The following NXF3 variants were observed in gnomAD, a reference collection of about 807,000 sequenced individuals.
NXF3 encodes nuclear RNA export factor 3, also known as TAP-like protein 3.
A neutral mutation model predicts 48.4 loss-of-function variants in NXF3; 34 were observed. The observed-to-expected ratio is 0.70, with a 90% CI of 0.53 to 0.93. The LOEUF (loss-of-function observed/expected upper bound fraction) is 0.93. NXF3 is among the 40% of genes least tolerant of loss of function. The pLI, the probability that NXF3 is intolerant of heterozygous loss-of-function variation, is 0.00. For synonymous variants in NXF3, 132 were observed against 145.7 expected (o/e 0.91, Z 0.68); for missense variants, 359 against 406.1 (o/e 0.88, Z 1.00).
At chrX:103,092,913 G>T in intron 1 of NXF3, 83 bp downstream of exon 1, 1 of 955,310 alleles carries the variant, frequency 1.0e-6, no homozygotes, top group South Asian at 2.0e-5. Context: ...GGTGTTATGT[G>T]GGTTAGGGTA....
At chrX:103,078,404 G>A (rs1047266547) in intron 17 of NXF3, among the ~76,000 whole-genome samples, 156 bp downstream of exon 17, 4 of 112,284 alleles carry the variant, frequency 3.6e-5, no homozygotes, top group African/African-American at 6.5e-5. Context: ...TGGGATTACA[G>A]GCGTGAGCCA....
At chrX:103,086,807 A>G (rs1264661657) in intron 1 of NXF3, among the ~76,000 whole-genome samples, 4 of 111,814 alleles carry the variant, frequency 3.6e-5, no homozygotes, top group African/African-American at 1.3e-4. Flanking sequence ...AACCATATTA[A>G]TAAGAGAAAA....
chrX:103,080,610 G>T lies in NXF3; in HGVS notation c.893C>A (p.Ser298Tyr). The T allele has an allele frequency of 8.3e-7, 1 of 1,210,770 alleles. No individual in the cohort carries two copies. The highest frequency in any genetic ancestry group is 1.7e-5 in the African/African-American group (1 of 57,831). ...TFSDTSSNIN[S>Y]ILELFPKLLC... ...TAATTTGGGGAACAATTCCAGGATG[G>T]AGCTGCCGAAAATCAAAACAAAATG... Residue 298 changes from serine (S) to tyrosine (Y), a missense_variant and splice_region_variant, in exon 10 of 20, where the codon TCC becomes TAC. Coordinates refer to ENST00000395065, the MANE Select transcript of NXF3 (RefSeq NM_022052.2).
Position 103,093,107 on chromosome X carries a change from C to G in NXF3, c.-84G>C. On this transcript the variant is annotated 5_prime_UTR_variant, in exon 1 of 20. Coordinates refer to ENST00000395065, the MANE Select transcript of NXF3 (RefSeq NM_022052.2). ...GTTTGGAGAAGATTGAGGAGGGCTGCTGACGAAGGCGAGAGCAAGCCTCAA... is the reference window on the plus strand; with the variant it reads ...GTTTGGAGAAGATTGAGGAGGGCTGGTGACGAAGGCGAGAGCAAGCCTCAA... 2 of 911,178 alleles carry G rather than the reference C, an allele frequency of 2.2e-6. No individual in the cohort carries two copies. Among genetic ancestry groups the G allele is most frequent in the Non-Finnish European group, 3.2e-6 (2 of 629,045 alleles). The allele number at this position is 911,178 out of a possible 1,213,427, so 75.1% of individuals were successfully genotyped here. A position where few individuals can be genotyped will look rare whatever the true frequency, so the allele number is the denominator to read the frequency against.
intron 1 of NXF3, 114 bp from the exon 2 acceptor site, chrX:103,084,997 C>T: frequency 1.4e-6 from 1 of 715,370 alleles, no homozygotes; most frequent in Non-Finnish European, 2.1e-6. Flanking sequence ...CAGGATCTGG[C>T]TCTACTGCCC....
chrX:103,092,786 A>G (rs1170287226), intron 1 of NXF3, among the ~76,000 whole-genome samples: 2 of 112,487 alleles, frequency 1.8e-5, no homozygotes, highest in African/African-American at 6.5e-5. Context: ...GTTAATTTTT[A>G]CCAACCCCTG....
chrX:103,088,316 C>A, intron 1 of NXF3: 2 of 540,731 alleles, frequency 3.7e-6, no homozygotes, highest in Non-Finnish European at 6.3e-6. Context: ...TCTGGTGAGC[C>A]GTGCTCTGAA....
At position 103,092,711 on chromosome X, in the gene NXF3, G is replaced by A. The variant is rs190519675; in HGVS notation, c.28+285C>T. ...GAGGTAATACAATCTACCTTGAATG[G>A]TTAGTGTGAAGATTAAAGATGTATT... On this transcript the variant is annotated intron_variant, in intron 1 of 19. Coordinates refer to ENST00000395065, the MANE Select transcript of NXF3 (RefSeq NM_022052.2). Among the ~76,000 whole-genome samples, 7 of 112,544 alleles carry A rather than the reference G, an allele frequency of 6.2e-5. No homozygotes were observed. The South Asian group carries it at 1.5e-3, about 24-fold the overall frequency.
intron 1 of NXF3, chrX:103,087,779 T>C: frequency 1.1e-6 from 1 of 926,213 alleles, no homozygotes; most frequent in Non-Finnish European, 1.6e-6. Flanking sequence ...GTGTAGTAAA[T>C]CTTTTTGACA....
At chrX:103,088,933 T>C in intron 1 of NXF3, 1 of 1,191,471 alleles carries the variant, frequency 8.4e-7, no homozygotes, top group African/African-American at 1.7e-5. Flanking sequence ...TCAGATCAAA[T>C]GTCAGGAGTT....
intron 7 of NXF3, 70 bp from the exon 8 acceptor site, chrX:103,082,918 C>A: frequency 1.8e-6 from 2 of 1,136,900 alleles, no homozygotes; most frequent in Admixed American, 2.2e-5. Flanking sequence ...CAGCACTAAC[C>A]CCTCCCCAAG....
At chrX:103,085,459 A>G (rs1016013595) in intron 1 of NXF3, among the ~76,000 whole-genome samples, 1 of 112,057 alleles carries the variant, frequency 8.9e-6, no homozygotes, top group African/African-American at 3.2e-5. Flanking sequence ...AAAGTTTGCT[A>G]TTATGGCTCA....
At chrX:103,079,332 T>C (rs904182970) in intron 15 of NXF3, 27 bp downstream of exon 15, 11 of 1,207,862 alleles carry the variant, frequency 9.1e-6, no homozygotes, top group Non-Finnish European at 1.2e-5. Context: ...TTTCTGGGCC[T>C]GCCCAAGGGA....
intron 9 of NXF3, chrX:103,081,027 G>A (rs931934007): frequency 1.7e-5 from 3 of 171,777 alleles, no homozygotes; most frequent in South Asian, 1.9e-4. Flanking sequence ...TGGCAGAAAC[G>A]GGGTGAAGGT....
At chrX:103,084,647 A>G in intron 2 of NXF3, 68 bp downstream of exon 2, 1 of 1,150,555 alleles carries the variant, frequency 8.7e-7, no homozygotes, top group South Asian at 1.9e-5. Flanking sequence ...AGAATGACAT[A>G]TTCAGCTACA....
rs1325782817 is a variant in NXF3 at position 103,082,819 on chromosome X, A to G, written c.721T>C (p.Ser241Pro). ...GCAGCCATGCACTTTCTAGGATTCG[A>G]TGCCATCTTAGTATCACGGTTCACC... ...DMVNRDTKMA[S>P]NPRKCMAASL... Residue 241 changes from serine (S) to proline (P), a missense_variant, in exon 8 of 20, where the codon TCG (serine) becomes CCG (proline). Coordinates refer to ENST00000395065, the MANE Select transcript of NXF3 (RefSeq NM_022052.2). The G allele has an allele frequency of 8.3e-7, 1 of 1,210,459 alleles. No individual in the cohort carries two copies.
In NXF3 at chrX:103,083,510, G is replaced by A; in HGVS notation, c.436-8C>T. The A allele has an allele frequency of 8.4e-7, 1 of 1,194,849 alleles. No individual in the cohort carries two copies. On this transcript the variant is annotated splice_region_variant and splice_polypyrimidine_tract_variant and intron_variant, in intron 4 of 19. Coordinates refer to ENST00000395065, the MANE Select transcript of NXF3 (RefSeq NM_022052.2). The stretch of plus-strand genomic sequence containing the variant: ...CATGTTTTCATAGTGAAACTATAGG[G>A]AGAGTTGCAAGAGAAATGAAATATG...
rs186881892 is a variant in NXF3, at chrX:103,083,157, G to A, written c.621+36C>T. 69 of 1,198,372 alleles carry A rather than the reference G, an allele frequency of 5.8e-5. No homozygotes were observed. The African/African-American group carries it at 9.0e-4, about 16-fold the overall frequency. On this transcript the variant is annotated intron_variant, in intron 6 of 19. Coordinates refer to ENST00000395065, the MANE Select transcript of NXF3 (RefSeq NM_022052.2). ...AGGTGGGGAAGAAGCAGTGGGTCTG[G>A]CTTTGTGTGAACAACTTGCCATGAG...
At chrX:103,077,551 C>T in intron 18 of NXF3, 63 bp downstream of exon 18, 1 of 1,186,967 alleles carries the variant, frequency 8.4e-7, no homozygotes. Flanking sequence ...CGCGCCCGGC[C>T]CAGCACTCAC....
Sources: gnomAD v4.1 joint callset for allele counts (sites outside exome capture counted in the v4.1 genomes callset) on GRCh38, gnomAD v4.1.1 for gene constraint, MANE v1.5 for transcripts, NCBI Gene and HGNC (gene_info 2026-07-23, HGNC 2026-07-21) for gene names.